MGAT4D: variants seen among roughly 807,000 people sequenced by gnomAD.
The protein encoded by MGAT4D is MGAT4 family member D.
In MGAT4D, 34 loss-of-function variants were observed where a neutral mutation model predicts 15.9. That is an observed-to-expected ratio of 2.14 (90% CI 1.62 to 2.84). The LOEUF (loss-of-function observed/expected upper bound fraction) is 2.84. Among genes scored for constraint, MGAT4D ranks in the 30% most tolerant of loss-of-function variants. MGAT4D has a pLI of 0.00. For synonymous variants in MGAT4D, 112 were observed against 48.2 expected (o/e 2.33, Z -5.49); for missense variants, 327 against 140.2 (o/e 2.33, Z -6.73).
intron 1 of MGAT4D, among the ~76,000 whole-genome samples, chr4:140,491,305 T>G (rs1238727507): frequency 1.3e-5 from 2 of 152,158 alleles, no homozygotes; most frequent in African/African-American, 4.8e-5. Context: ...CCCAACTGGA[T>G]GGAGATGAGG....
chr4:140,459,607 G>A lies in MGAT4D; in HGVS notation c.782C>T (p.Ala261Val), dbSNP rs899219279. The A allele has an allele frequency of 2.1e-6, 1 of 485,390 alleles. No homozygotes were observed. The highest frequency in any genetic ancestry group is 2.0e-5 in the African/African-American group (1 of 49,148). The allele number at this position is 485,390 out of a possible 1,614,324, so 30.1% of individuals were successfully genotyped here. ...TATTTTTGTAAAGTACATCTCTTTA[G>A]CTATGATATCATCTTCTAGCTGAAA... is the stretch of plus-strand genomic sequence containing the variant. ...YYLQLEDDIIAKEMYFTKITD... is the reference protein window; with the variant it reads ...YYLQLEDDIIVKEMYFTKITD... Residue 261 changes from alanine to valine, a missense_variant, in exon 8 of 11, where the codon GCT becomes GTT. By Grantham distance (64) the Ala-to-Val change is moderately conservative. Transcript: ENST00000511113.
intron 4 of MGAT4D, 28 bp downstream of exon 4, chr4:140,474,785 A>G (rs1179141927): frequency 1.6e-6 from 1 of 628,658 alleles, no homozygotes; most frequent in Admixed American, 2.6e-5. Flanking sequence ...GGTGAGGATA[A>G]GGAGAGCTCC....
chr4:140,489,024 A>G (rs1206500749), intron 1 of MGAT4D, among the ~76,000 whole-genome samples: 1 of 152,142 alleles, frequency 6.6e-6, no homozygotes, highest in Non-Finnish European at 1.5e-5. Context: ...TTTTCTTTAT[A>G]CATTACCCAG....
At chr4:140,448,723 T>G (rs1446945023) in intron 10 of MGAT4D, among the ~76,000 whole-genome samples, 1 of 152,238 alleles carries the variant, frequency 6.6e-6, no homozygotes, top group Non-Finnish European at 1.5e-5. Flanking sequence ...TCAGCCTGAT[T>G]AAGAGCCTTT....
chr4:140,461,982 C>A lies in MGAT4D; in HGVS notation c.709G>T (p.Asp237Tyr). ...GCATACAGCAACAAAATGCAAAAATCCAATACCTGTTTGATTCGCCAACTA... is the reference window on the plus strand; with the variant it reads ...GCATACAGCAACAAAATGCAAAAATACAATACCTGTTTGATTCGCCAACTA... Reference protein sequence around the residue: ...LASWRIKQVLDFCILLLYAQP... With the variant: ...LASWRIKQVLYFCILLLYAQP... The change falls in exon 7 of 11, where the codon GAT (aspartate) becomes TAT (tyrosine). Residue 237 changes from aspartate to tyrosine, a missense_variant. By Grantham distance (160) the Asp-to-Tyr change is radical (BLOSUM62 -3). Coordinates refer to ENST00000511113, the MANE Select transcript of MGAT4D (RefSeq NM_001277353.2). The A allele has an allele frequency of 1.4e-6, 1 of 699,850 alleles. No homozygotes were observed. Among genetic ancestry groups the A allele is most frequent in the African/African-American group, 1.8e-5 (1 of 56,904 alleles). 43.4% of individuals were successfully genotyped at this position (699,850 alleles called of 1,614,324 possible).
intron 1 of MGAT4D, among the ~76,000 whole-genome samples, chr4:140,486,364 T>C (rs1726360454): frequency 6.6e-6 from 1 of 152,174 alleles, no homozygotes. Context: ...TATTATTTTT[T>C]TAATTATACT....
intron 10 of MGAT4D, among the ~76,000 whole-genome samples, chr4:140,444,393 C>G (rs1729952966): frequency 6.6e-6 from 1 of 152,048 alleles, no homozygotes; most frequent in Non-Finnish European, 1.5e-5. Context: ...TCAAGTAAGC[C>G]CCAGTATCTG....
intron 5 of MGAT4D, among the ~76,000 whole-genome samples, chr4:140,469,657 C>T (rs1365498800): frequency 1.3e-5 from 2 of 152,194 alleles, no homozygotes; most frequent in African/African-American, 4.8e-5. Flanking sequence ...GGTCCCACTT[C>T]TTGATTGTTT....
chr4:140,446,743 G>GTTGTTTTTTTTTT (rs1730155286), intron 10 of MGAT4D, among the ~76,000 whole-genome samples: 1 of 8,150 alleles, frequency 1.2e-4, no homozygotes, highest in Admixed American at 1.6e-3. Context: ...TGCTTCTCTA[G>GTTGTTTTTTTTTT]TTTTTTTTTT....
At chr4:140,459,758 C>A in intron 7 of MGAT4D, 132 bp from the exon 8 acceptor site, 32 of 243,900 alleles carry the variant, frequency 1.3e-4, no homozygotes, top group South Asian at 3.5e-4. Flanking sequence ...AATTTTATTT[C>A]AGTTTCAATT....
intron 7 of MGAT4D, among the ~76,000 whole-genome samples, 173 bp from the exon 8 acceptor site, chr4:140,459,799 C>CTTTTTT (rs576574327): frequency 4.6e-5 from 5 of 109,054 alleles, no homozygotes; most frequent in African/African-American, 7.2e-5. Flanking sequence ...AGTTGATTTC[C>CTTTTTT]TTTTTTTTTT....
At chr4:140,483,317 G>A (rs1442126596) in intron 1 of MGAT4D, among the ~76,000 whole-genome samples, 1 of 152,114 alleles carries the variant, frequency 6.6e-6, no homozygotes, top group Non-Finnish European at 1.5e-5. Context: ...ATTTAACCAA[G>A]GAGGTGAAAG....
At chr4:140,490,445 G>A (rs1007733483) in intron 1 of MGAT4D, among the ~76,000 whole-genome samples, 6 of 152,182 alleles carry the variant, frequency 3.9e-5, no homozygotes, top group South Asian at 2.1e-4. Flanking sequence ...TTTCATATGC[G>A]ATGGGTCTGT....
At chr4:140,462,937 G>T (rs571079064) in intron 6 of MGAT4D, among the ~76,000 whole-genome samples, 1 of 152,166 alleles carries the variant, frequency 6.6e-6, no homozygotes, top group South Asian at 2.1e-4. Flanking sequence ...AAAACCTAAA[G>T]AATTCACAAA....
Position 140,442,762 on chromosome 4 carries a change from C to T in MGAT4D, c.*674G>A, listed in dbSNP as rs1430370176. On this transcript the variant is annotated 3_prime_UTR_variant, in exon 11 of 11. Transcript: ENST00000511113. ...TCACACAGGTAAAGTTCTATAACCA[C>T]TATGCAAGTAATTTAGAAATTAACA... 1 of 151,926 alleles carries T rather than the reference C, an allele frequency of 6.6e-6. No homozygotes were observed. The highest frequency in any genetic ancestry group is 1.5e-5 in the Non-Finnish European group (1 of 67,968). The allele number at this position is 151,926 out of a possible 1,614,324, so 9.4% of individuals were successfully genotyped here.
intron 1 of MGAT4D, among the ~76,000 whole-genome samples, chr4:140,486,491 G>A (rs1435990996): frequency 1.3e-5 from 2 of 151,734 alleles, no homozygotes; most frequent in Non-Finnish European, 2.9e-5. Flanking sequence ...CCCTCCCCTA[G>A]CCACCCACCC....
At chr4:140,472,844 CTTTCT>C (rs1480410342) in intron 4 of MGAT4D, among the ~76,000 whole-genome samples, 1 of 152,050 alleles carries the variant, frequency 6.6e-6, no homozygotes, top group Non-Finnish European at 1.5e-5. Context: ...TATGTGCATA[CTTTCT>C]TTTAATATTA....
At chr4:140,469,676 A>G (rs889573112) in intron 5 of MGAT4D, among the ~76,000 whole-genome samples, 2 of 152,080 alleles carry the variant, frequency 1.3e-5, no homozygotes, top group Non-Finnish European at 2.9e-5. Flanking sequence ...TTTGCCCCAG[A>G]TGGCTTCCTT....
chr4:140,494,950 C>A (rs1733743307), intron 1 of MGAT4D, among the ~76,000 whole-genome samples: 1 of 152,136 alleles, frequency 6.6e-6, no homozygotes, highest in Admixed American at 6.5e-5. Flanking sequence ...TCCCGCAATT[C>A]TCTTCTTTCT....
Sources: gnomAD v4.1 joint callset for allele counts (sites outside exome capture counted in the v4.1 genomes callset) on GRCh38, gnomAD v4.1.1 for gene constraint, MANE v1.5 for transcripts, NCBI Gene and HGNC (gene_info 2026-07-23, HGNC 2026-07-21) for gene names.